Variants in ENTPD5 observed in about 807,000 individuals in gnomAD.
ENTPD5 encodes nucleoside diphosphate phosphatase ENTPD5.
ENTPD5 carries 49 observed loss-of-function variants against 60.2 expected under a neutral mutation model. The ratio of observed to expected loss-of-function variants is 0.81; its 90% confidence interval spans 0.65 to 1.03. ENTPD5 has a LOEUF of 1.03. ENTPD5 is among the 50% of genes least tolerant of loss of function. ENTPD5 has a pLI of 0.00. For synonymous variants in ENTPD5, 187 were observed against 185.4 expected (o/e 1.01, Z -0.07); for missense variants, 480 against 507.6 (o/e 0.95, Z 0.52).
chr14:74,006,447 C>T (rs2058681827), intron 3 of ENTPD5, among the ~76,000 whole-genome samples: 1 of 151,984 alleles, frequency 6.6e-6, no homozygotes, highest in Non-Finnish European at 1.5e-5. Flanking sequence ...CCACGCCCGG[C>T]TAATTTTTTG....
At chr14:73,960,167 T>C, downstream of ENTPD5, 2 of 988,132 alleles carry the variant, frequency 2.0e-6, no homozygotes, top group African/African-American at 3.5e-5. Flanking sequence ...ATTGAAAGTA[T>C]TCCTAGGGAA....
Position 73,966,217 on chromosome 14 carries a change from GAT to G in ENTPD5, c.*709_*710del, listed in dbSNP as rs2056964605. ...ATGTTCATTAATCCCAGAGTTGACT[GAT>G]AAAATGCTGATTAAAGCAAAGGTAG... On this transcript the variant is annotated 3_prime_UTR_variant, in exon 16 of 16. Coordinates refer to ENST00000334696, the MANE Select transcript of ENTPD5 (RefSeq NM_001249.5). 6.6e-6 allele frequency: 1 copy of G among 152,222 alleles called. No homozygotes were observed. The highest frequency in any genetic ancestry group is 1.5e-5 in the Non-Finnish European group (1 of 68,050). 9.4% of individuals were successfully genotyped at this position (152,222 alleles called of 1,614,324 possible).
intron 3 of ENTPD5, chr14:74,003,369 C>T (rs1253997941): frequency 1.1e-5 from 7 of 614,778 alleles, no homozygotes; most frequent in Admixed American, 2.2e-5. Flanking sequence ...TCAGCCTTAG[C>T]GCCATTTTCT....
rs533252168 is a variant in ENTPD5, at chr14:73,973,970, C to T, written c.793G>A (p.Gly265Arg). The T allele has an allele frequency of 3.1e-6, 5 of 1,613,996 alleles. No individual in the cohort carries two copies. The African/African-American group carries it at 6.7e-5, about 22-fold the overall frequency. Residue 265 changes from glycine (G) to arginine (R), a missense_variant, in exon 12 of 16, where the codon GGG (glycine) becomes AGG (arginine). Gly to Arg is a moderately radical substitution (Grantham distance 125). Coordinates refer to ENST00000334696, the MANE Select transcript of ENTPD5 (RefSeq NM_001249.5). ...LGALETEGTD[G>R]HTFRSACLPR... The stretch of plus-strand genomic sequence containing the variant: ...AAACAGGCACTCCGGAAAGTGTGCC[C>T]ATCAGTCCCTGAAAGAATCCAGGGC...
At chr14:73,997,320 G>A (rs1243965912) in intron 3 of ENTPD5, among the ~76,000 whole-genome samples, 10 of 152,080 alleles carry the variant, frequency 6.6e-5, no homozygotes, top group Non-Finnish European at 7.3e-5. Context: ...TGTTAGTTAT[G>A]TCTTTCTGTT....
chr14:73,982,670 G>A (rs1484672264), intron 6 of ENTPD5, among the ~76,000 whole-genome samples: 2 of 151,950 alleles, frequency 1.3e-5, no homozygotes, highest in African/African-American at 2.4e-5. Flanking sequence ...GCAGGAGAAT[G>A]GCATTAACCT....
chr14:73,988,137 G>A lies in ENTPD5; in HGVS notation c.-35C>T. The A allele has an allele frequency of 6.3e-7, 1 of 1,582,430 alleles. No homozygotes were observed. The highest frequency in any genetic ancestry group is 8.6e-7 in the Non-Finnish European group (1 of 1,164,034). On this transcript the variant is annotated 5_prime_UTR_variant, in exon 4 of 16. Coordinates refer to ENST00000334696, the MANE Select transcript of ENTPD5 (RefSeq NM_001249.5). ...AAGATGTGGCTGGGTGGAGGCTTTT[G>A]TTGCAGAAGCAATCCTGCTCGCACA...
chr14:73,979,738 T>C (rs1397773245), intron 6 of ENTPD5, among the ~76,000 whole-genome samples: 1 of 152,174 alleles, frequency 6.6e-6, no homozygotes, highest in Non-Finnish European at 1.5e-5. Flanking sequence ...CCCAAAGTGC[T>C]GGGATTACAG....
intron 5 of ENTPD5, among the ~76,000 whole-genome samples, chr14:73,985,766 T>C (rs1006412061): frequency 3.9e-5 from 6 of 152,032 alleles, no homozygotes; most frequent in African/African-American, 1.4e-4. Flanking sequence ...CATGTGCTAC[T>C]GAACTAAGAA....
At position 73,963,292 on chromosome 14, in the gene ENTPD5, G is replaced by C. The variant is rs2056839225; in HGVS notation, c.*3636C>G. 2.0e-6 allele frequency: 1 copy of C among 489,432 alleles called. No individual in the cohort carries two copies. The highest frequency in any genetic ancestry group is 2.0e-5 in the African/African-American group (1 of 50,820). The allele number at this position is 489,432 out of a possible 1,614,324, so 30.3% of individuals were successfully genotyped here. ...CAAGGTGCTGTCTCACTCATTTCCAGTTAATCATTTCTAAAGAGAAAATTT... is the reference window on the plus strand; with the variant it reads ...CAAGGTGCTGTCTCACTCATTTCCACTTAATCATTTCTAAAGAGAAAATTT... On this transcript the variant is annotated 3_prime_UTR_variant, in exon 16 of 16. Coordinates refer to ENST00000334696, the MANE Select transcript of ENTPD5 (RefSeq NM_001249.5).
chr14:73,959,388 G>A (rs377459995), downstream of ENTPD5: 9 of 1,614,020 alleles, frequency 5.6e-6, no homozygotes, highest in South Asian at 1.1e-5. Context: ...AGTCTTAGCC[G>A]TTGGTATTGG....
At chr14:73,998,167 AG>A (rs2058395203) in intron 3 of ENTPD5, among the ~76,000 whole-genome samples, 1 of 152,142 alleles carries the variant, frequency 6.6e-6, no homozygotes, top group South Asian at 2.1e-4. Flanking sequence ...TGCCACCAGA[AG>A]GGGTGCTGAG....
chr14:74,005,292 AAAAAAG>A (rs1234975954), intron 3 of ENTPD5, among the ~76,000 whole-genome samples: 1 of 146,670 alleles, frequency 6.8e-6, no homozygotes, highest in African/African-American at 2.5e-5. Context: ...GAAAAAAAGA[AAAAAAG>A]AAAAAAAGAA....
intron 12 of ENTPD5, among the ~76,000 whole-genome samples, chr14:73,973,296 C>T (rs1252091589): frequency 6.6e-6 from 1 of 152,228 alleles, no homozygotes; most frequent in Non-Finnish European, 1.5e-5. Flanking sequence ...CATTCCATAG[C>T]ATTTGTAAGC....
rs2057919708 is a variant in ENTPD5 at position 73,986,812 on chromosome 14, A to G, written c.297+2T>C. ...CTAAACATCAAATCATAAGAAACTC[A>G]CCTGCTTAGGTTGATCTACAAAAGC... On this transcript the variant is annotated splice_donor_variant, in intron 5 of 15. Coordinates refer to ENST00000334696, the MANE Select transcript of ENTPD5 (RefSeq NM_001249.5). LOFTEE classifies it high-confidence loss of function. 6.2e-7 allele frequency: 1 copy of G among 1,610,636 alleles called. No individual in the cohort carries two copies. Among genetic ancestry groups the G allele is most frequent in the African/African-American group, 1.3e-5 (1 of 74,924 alleles).
rs548468926 is a variant in ENTPD5 at position 73,978,918 on chromosome 14, A to G, written c.442-1544T>C. Among the ~76,000 whole-genome samples, 13 of 152,168 alleles carry G rather than the reference A, an allele frequency of 8.5e-5. No individual in the cohort carries two copies. In the South Asian group the frequency reaches 2.7e-3, roughly 32 times the overall value. ...AGAGCAAAATTCAGTCTCAAAAAGA[A>G]AAAAGAAAAAGAAAAAGCCAAAGTG... On this transcript the variant is annotated intron_variant, in intron 6 of 15. Transcript: ENST00000334696.
intron 6 of ENTPD5, among the ~76,000 whole-genome samples, chr14:73,981,869 G>A (rs74956016): frequency 0.021 from 3,170 of 150,026 alleles, 103 homozygotes; most frequent in African/African-American, 0.073. Flanking sequence ...TTTATGCTGA[G>A]AGGAAAAAAG....
At chr14:73,981,377 T>C (rs981360981) in intron 6 of ENTPD5, among the ~76,000 whole-genome samples, 5 of 151,806 alleles carry the variant, frequency 3.3e-5, no homozygotes, top group Non-Finnish European at 5.9e-5. Context: ...TGCATGCCTA[T>C]AATCCCAACT....
chr14:73,988,156 T>C lies in ENTPD5; in HGVS notation c.-54A>G. On this transcript the variant is annotated 5_prime_UTR_variant, in exon 4 of 16. Transcript: ENST00000334696. Reference sequence around the variant, plus strand: ...GCTTTTGTTGCAGAAGCAATCCTGCTCGCACACCTGCAGAGGCTTATAGGA... The same window carrying C: ...GCTTTTGTTGCAGAAGCAATCCTGCCCGCACACCTGCAGAGGCTTATAGGA... 1.3e-6 allele frequency: 2 copies of C among 1,556,660 alleles called. No individual in the cohort carries two copies. The highest frequency in any genetic ancestry group is 1.7e-6 in the Non-Finnish European group (2 of 1,150,080).
Sources: allele counts gnomAD v4.1 joint callset (sites outside exome capture counted in the v4.1 genomes callset), GRCh38; gene constraint gnomAD v4.1.1; transcripts MANE v1.5; gene names NCBI Gene and HGNC (gene_info 2026-07-23, HGNC 2026-07-21).